Variants in ARHGAP21 observed in about 807,000 individuals in gnomAD.
ARHGAP21 encodes the protein Rho GTPase activating protein 21, also known as rho GTPase-activating protein 21.
ARHGAP21 carries 38 observed loss-of-function variants against 164.6 expected under a neutral mutation model. That is an observed-to-expected ratio of 0.23 (90% confidence interval 0.18 to 0.30). ARHGAP21 has a LOEUF of 0.30. Ranked by LOEUF, ARHGAP21 falls within the 10% of genes least tolerant of loss-of-function variation. The probability of loss-of-function intolerance (pLI) is 1.00; values close to 1 mark genes in which losing one functional copy is unlikely to be tolerated. For missense variants in ARHGAP21, 1,822 were observed against 2,370.7 expected, an observed-to-expected ratio of 0.77 and a Z score of 4.81; for synonymous variants, 766 against 857.9, an observed-to-expected ratio of 0.89 and a Z score of 1.87.
chr10:24,652,103 C>A (rs1838234835), intron 4 of ARHGAP21, among the ~76,000 whole-genome samples: 1 of 152,004 alleles, frequency 6.6e-6, no homozygotes, highest in South Asian at 2.1e-4. Flanking sequence ...TTTTTAACAA[C>A]CCTATAAAAA....
At chr10:24,652,923 A>G (rs1838341830) in intron 4 of ARHGAP21, among the ~76,000 whole-genome samples, 1 of 152,250 alleles carries the variant, frequency 6.6e-6, no homozygotes, top group Non-Finnish European at 1.5e-5. Context: ...CATACCCTCT[A>G]GAAATGAGTA....
chr10:24,713,932 G>A (rs572802227), intron 2 of ARHGAP21, among the ~76,000 whole-genome samples: 1 of 152,302 alleles, frequency 6.6e-6, no homozygotes, highest in African/African-American at 2.4e-5. Flanking sequence ...CTATTTTAGT[G>A]AAAGCAATCC....
chr10:24,591,524 C>A (rs1249198697), intron 23 of ARHGAP21, 118 bp downstream of exon 23: 6 of 1,344,052 alleles, frequency 4.5e-6, no homozygotes, highest in South Asian at 1.2e-5. Flanking sequence ...GAGCTAGAGA[C>A]CTGCTTCCGG....
intron 2 of ARHGAP21, among the ~76,000 whole-genome samples, chr10:24,720,435 T>A (rs142899507): frequency 6.6e-6 from 1 of 152,324 alleles, no homozygotes; most frequent in Non-Finnish European, 1.5e-5. Context: ...CAAAAGGAGT[T>A]ATTATGGTTT....
chr10:24,591,447 T>A, intron 23 of ARHGAP21, 117 bp from the exon 24 acceptor site: 1 of 1,106,644 alleles, frequency 9.0e-7, no homozygotes. Context: ...TTAATGTGTT[T>A]ACATTGTTTA....
intron 7 of ARHGAP21, among the ~76,000 whole-genome samples, chr10:24,627,840 C>T (rs569882774): frequency 4.7e-4 from 71 of 152,332 alleles, no homozygotes; most frequent in African/African-American, 1.5e-3. Context: ...CTTCATCAAT[C>T]ACACTGCAGG....
chr10:24,607,422 T>C, intron 11 of ARHGAP21, 77 bp downstream of exon 11: 1 of 1,209,944 alleles, frequency 8.3e-7, no homozygotes, highest in Non-Finnish European at 1.2e-6. Context: ...CATCATTAAA[T>C]TCTGAACTTA....
In ARHGAP21 at chr10:24,595,375, C is replaced by T. The variant is rs537701861; in HGVS notation, c.3713-185G>A. ...CTATATTTACACAGCCTGTCCATTCCTCCCCCACCCTCCAACAACATCTAG... is the reference window on the plus strand; with the variant it reads ...CTATATTTACACAGCCTGTCCATTCTTCCCCCACCCTCCAACAACATCTAG... On this transcript the variant is annotated intron_variant, in intron 19 of 25. Coordinates refer to ENST00000396432, the MANE Select transcript of ARHGAP21 (RefSeq NM_020824.4). Among the ~76,000 whole-genome samples, 4 of 152,194 alleles carry T rather than the reference C, an allele frequency of 2.6e-5. No homozygotes were observed. The East Asian group carries it at 7.7e-4, about 29-fold the overall frequency.
chr10:24,704,289 CTTTTTT>C (rs201080039), intron 2 of ARHGAP21, among the ~76,000 whole-genome samples: 1 of 125,976 alleles, frequency 7.9e-6, no homozygotes, highest in African/African-American at 3.1e-5. Flanking sequence ...TTTTTCTTTT[CTTTTTT>C]TTTTTTTTTT....
chr10:24,595,237 G>T, intron 19 of ARHGAP21, 47 bp from the exon 20 acceptor site: 1 of 1,467,058 alleles, frequency 6.8e-7, no homozygotes, highest in Non-Finnish European at 9.4e-7. Flanking sequence ...TTGCCTAGGT[G>T]AATTGTAATC....
At chr10:24,607,390 G>T in intron 11 of ARHGAP21, 109 bp downstream of exon 11, 4 of 910,790 alleles carry the variant, frequency 4.4e-6, no homozygotes, top group Non-Finnish European at 6.6e-6. Context: ...CATTTCTAAT[G>T]TCAAAGTTAG....
chr10:24,600,785 A>G lies in ARHGAP21; in HGVS notation c.2993T>C (p.Ile998Thr). 1 of 1,614,080 alleles carries G rather than the reference A, an allele frequency of 6.2e-7. No homozygotes were observed. The highest frequency in any genetic ancestry group is 8.5e-7 in the Non-Finnish European group (1 of 1,179,960). Residue 998 changes from isoleucine (I) to threonine (T), a missense_variant, in exon 14 of 26, where the codon ATC (isoleucine) becomes ACC (threonine). Physicochemically the swap from Ile to Thr is moderately conservative, Grantham distance 89 (BLOSUM62 -1). This residue lies in a region of ARHGAP21 where 1,090 missense variants were observed against 1,378.9 expected (regional missense o/e 0.79). Coordinates refer to ENST00000396432, the MANE Select transcript of ARHGAP21 (RefSeq NM_020824.4). ...TTTCCTCTTGGTCTCACTGTAAGAGATGTCTATCAAGCAAGCATTAACACT... is the reference window on the plus strand; with the variant it reads ...TTTCCTCTTGGTCTCACTGTAAGAGGTGTCTATCAAGCAAGCATTAACACT... ...PISVNACLID[I>T]SYSETKRKNV...
intron 7 of ARHGAP21, among the ~76,000 whole-genome samples, chr10:24,628,819 A>ATATG (rs1835419610): frequency 6.9e-6 from 1 of 144,966 alleles, no homozygotes; most frequent in African/African-American, 2.5e-5. Context: ...ATATATACAT[A>ATATG]TACACACATA....
chr10:24,676,574 C>T (rs968438995), intron 2 of ARHGAP21, among the ~76,000 whole-genome samples: 1 of 152,108 alleles, frequency 6.6e-6, no homozygotes, highest in African/African-American at 2.4e-5. Context: ...GAAAATTACC[C>T]GTACAATGTT....
At chr10:24,704,856 G>A (rs1253744958) in intron 2 of ARHGAP21, among the ~76,000 whole-genome samples, 2 of 152,056 alleles carry the variant, frequency 1.3e-5, no homozygotes, top group African/African-American at 4.8e-5. Context: ...TCCTCCCAAG[G>A]TGCTGGTATT....
chr10:24,697,643 G>A (rs967121154), intron 2 of ARHGAP21, among the ~76,000 whole-genome samples: 2 of 152,086 alleles, frequency 1.3e-5, no homozygotes, highest in African/African-American at 4.8e-5. Flanking sequence ...GATCACTTGA[G>A]GTCAGGAGTT....
chr10:24,591,843 G>GCAGAGATGAAGCATGAACTTA lies in ARHGAP21; in HGVS notation c.4002+23_4002+43dup, dbSNP rs754115677. 90 of 1,594,008 alleles carry GCAGAGATGAAGCATGAACTTA rather than the reference G, an allele frequency of 5.6e-5. No individual in the cohort carries two copies. In the Middle Eastern group the frequency reaches 1.8e-3, roughly 31 times the overall value. On this transcript the variant is annotated intron_variant, in intron 22 of 25. Transcript: ENST00000396432. ...GCTGCCCGTGAAAATGAATTTTCTT[G>GCAGAGATGAAGCATGAACTTA]CAGAGATGAAGCATGAACTTACAGA...
At chr10:24,675,826 C>T (rs371791313) in intron 2 of ARHGAP21, among the ~76,000 whole-genome samples, 16 of 152,204 alleles carry the variant, frequency 1.1e-4, no homozygotes, top group South Asian at 1.0e-3. Flanking sequence ...TATATATGTG[C>T]GCATCTTTTT....
At chr10:24,644,887 T>A (rs1227050025) in intron 4 of ARHGAP21, among the ~76,000 whole-genome samples, 3 of 152,202 alleles carry the variant, frequency 2.0e-5, no homozygotes, top group Non-Finnish European at 2.9e-5. Flanking sequence ...TTTCAACCCC[T>A]AACCTCTTTC....
Sources: allele counts gnomAD v4.1 joint callset (sites outside exome capture counted in the v4.1 genomes callset), GRCh38; gene constraint gnomAD v4.1.1; regional missense constraint gnomAD v4.1.1; transcripts MANE v1.5; gene names NCBI Gene and HGNC (gene_info 2026-07-23, HGNC 2026-07-21).